ADAMTSL1: variants seen among roughly 807,000 people sequenced by gnomAD.
ADAMTSL1 encodes ADAMTS like 1.
Under a neutral mutation model 201.8 loss-of-function variants are expected in ADAMTSL1, and 126 were observed. The ratio of observed to expected loss-of-function variants is 0.62; its 90% confidence interval spans 0.54 to 0.72. The LOEUF is 0.72. Among genes scored for constraint, ADAMTSL1 ranks in the 30% least tolerant of loss-of-function variants. The pLI, the probability that ADAMTSL1 is intolerant of heterozygous loss-of-function variation, is 0.00. For synonymous variants in ADAMTSL1, 1,121 were observed against 903.4 expected, an observed-to-expected ratio of 1.24 and a Z score of -4.32; for missense variants, 2,679 against 2,277.8, an observed-to-expected ratio of 1.18 and a Z score of -3.59.
At chr9:18,698,513 C>T (rs1490171732) in intron 13 of ADAMTSL1, among the ~76,000 whole-genome samples, 7 of 151,894 alleles carry the variant, frequency 4.6e-5, no homozygotes, top group East Asian at 3.9e-4. Flanking sequence ...CTTGAACTCC[C>T]GACCTCAAGT....
intron 15 of ADAMTSL1, among the ~76,000 whole-genome samples, chr9:18,730,093 C>G (rs1818124100): frequency 6.6e-6 from 1 of 151,850 alleles, no homozygotes; most frequent in African/African-American, 2.4e-5. Flanking sequence ...CCTAAGGTAA[C>G]AATTTAAGAG....
At chr9:18,341,497 C>G (rs1835461960) in intron 2 of ADAMTSL1, among the ~76,000 whole-genome samples, 1 of 152,110 alleles carries the variant, frequency 6.6e-6, no homozygotes, top group East Asian at 1.9e-4. Flanking sequence ...AATAAATGTC[C>G]TCCATAAATA....
At chr9:18,068,862 T>A (rs1250910060) in intron 1 of ADAMTSL1, among the ~76,000 whole-genome samples, 2 of 152,210 alleles carry the variant, frequency 1.3e-5, no homozygotes, top group African/African-American at 4.8e-5. Context: ...TACAGAGTGG[T>A]ATAGTGCTAT....
intron 1 of ADAMTSL1, among the ~76,000 whole-genome samples, chr9:18,134,725 A>C (rs1564019327): frequency 6.6e-6 from 1 of 152,212 alleles, no homozygotes; most frequent in Non-Finnish European, 1.5e-5. Flanking sequence ...GAATATAGGG[A>C]GATGAATTCA....
intron 4 of ADAMTSL1, among the ~76,000 whole-genome samples, chr9:18,600,776 G>A (rs751580808): frequency 8.7e-4 from 132 of 152,204 alleles, no homozygotes; most frequent in Middle Eastern, 3.4e-3. Flanking sequence ...GAGGTAAAGA[G>A]CAACTACTCA....
Position 18,502,514 on chromosome 9 carries a change from A to T in ADAMTSL1, c.64-2315A>T, listed in dbSNP as rs1822896705. 2.6e-5 allele frequency among the ~76,000 whole-genome samples: 4 copies of T among 152,196 alleles called. No homozygotes were observed. In the South Asian group the frequency reaches 8.3e-4, roughly 32 times the overall value. ...GAAGAAATTTGTGTATGCATACATC[A>T]TTGGCAAAGAGTCTTTTCTCTCTCA... On this transcript the variant is annotated intron_variant, in intron 1 of 28. Transcript: ENST00000380548.
chr9:18,608,402 T>TA (rs757137656), intron 4 of ADAMTSL1, among the ~76,000 whole-genome samples: 23 of 152,226 alleles, frequency 1.5e-4, no homozygotes, highest in Non-Finnish European at 3.1e-4. Flanking sequence ...CAGCTGGATT[T>TA]AAACTAGACT....
intron 4 of ADAMTSL1, among the ~76,000 whole-genome samples, chr9:18,615,615 T>A (rs1825655184): frequency 6.6e-6 from 1 of 152,226 alleles, no homozygotes. Flanking sequence ...ACCAGCTATG[T>A]GACCTTGGGG....
At chr9:18,603,471 C>T (rs1025834583) in intron 4 of ADAMTSL1, among the ~76,000 whole-genome samples, 10 of 152,028 alleles carry the variant, frequency 6.6e-5, no homozygotes, top group African/African-American at 2.2e-4. Flanking sequence ...ATGTCTTGCT[C>T]AGTAGAAGAA....
At chr9:18,603,907 G>A (rs1564082911) in intron 4 of ADAMTSL1, among the ~76,000 whole-genome samples, 1 of 152,316 alleles carries the variant, frequency 6.6e-6, no homozygotes, top group East Asian at 1.9e-4. Context: ...AGAAAAGACA[G>A]TACAGAGACA....
At chr9:18,182,557 C>T (rs1337311552) in intron 2 of ADAMTSL1, among the ~76,000 whole-genome samples, 5 of 152,182 alleles carry the variant, frequency 3.3e-5, no homozygotes, top group Admixed American at 6.5e-5. Context: ...CACAGTAATA[C>T]TTTATGCCTG....
chr9:18,530,943 C>A (rs1301255299), intron 2 of ADAMTSL1, among the ~76,000 whole-genome samples: 1 of 152,104 alleles, frequency 6.6e-6, no homozygotes, highest in African/African-American at 2.4e-5. Flanking sequence ...TTGCAAACAC[C>A]AGTGTCTAGA....
At chr9:18,662,783 T>C (rs1381113467) in intron 9 of ADAMTSL1, among the ~76,000 whole-genome samples, 3 of 152,180 alleles carry the variant, frequency 2.0e-5, no homozygotes, top group Non-Finnish European at 4.4e-5. Flanking sequence ...AGAGTAGTCA[T>C]GGAAGTGCAG....
At chr9:18,032,964 G>C (rs950603316) in intron 1 of ADAMTSL1, among the ~76,000 whole-genome samples, 1 of 152,040 alleles carries the variant, frequency 6.6e-6, no homozygotes, top group Non-Finnish European at 1.5e-5. Context: ...GCTGTTTTCT[G>C]TCAAAAGATC....
At chr9:18,095,646 A>T (rs1824218708) in intron 1 of ADAMTSL1, among the ~76,000 whole-genome samples, 1 of 150,754 alleles carries the variant, frequency 6.6e-6, no homozygotes, top group Admixed American at 6.6e-5. Flanking sequence ...CTGGTCTCAA[A>T]CTCCTTACCT....
intron 13 of ADAMTSL1, among the ~76,000 whole-genome samples, chr9:18,688,689 A>AAAAAT (rs1554730404): frequency 2.3e-4 from 2 of 8,648 alleles, no homozygotes; most frequent in Non-Finnish European, 4.4e-4. Context: ...AAAAAAAAAA[A>AAAAAT]ATATATATAT....
chr9:18,597,648 A>C (rs1295156032), intron 4 of ADAMTSL1, among the ~76,000 whole-genome samples: 1 of 152,128 alleles, frequency 6.6e-6, no homozygotes, highest in Admixed American at 6.5e-5. Flanking sequence ...ATCAAATTCA[A>C]ATGTGAAAGA....
intron 7 of ADAMTSL1, among the ~76,000 whole-genome samples, chr9:18,649,862 A>G (rs915734958): frequency 6.6e-6 from 1 of 152,108 alleles, no homozygotes; most frequent in Non-Finnish European, 1.5e-5. Context: ...TTGAGGAGGC[A>G]GTCTGCCCGT....
intron 1 of ADAMTSL1, among the ~76,000 whole-genome samples, chr9:18,074,096 C>T (rs559476146): frequency 1.3e-5 from 2 of 152,140 alleles, no homozygotes; most frequent in East Asian, 1.9e-4. Flanking sequence ...GAACTCCTTA[C>T]GCTTTGAGCA....
Sources: allele counts gnomAD v4.1 joint callset (sites outside exome capture counted in the v4.1 genomes callset), GRCh38; gene constraint gnomAD v4.1.1; transcripts MANE v1.5; gene names NCBI Gene and HGNC (gene_info 2026-07-23, HGNC 2026-07-21).